The following TTC7B variants were observed in gnomAD, a reference collection of about 807,000 sequenced individuals.
TTC7B encodes the protein tetratricopeptide repeat domain 7B.
Under a neutral mutation model 106.8 loss-of-function variants are expected in TTC7B, and 28 were observed. That is an observed-to-expected ratio of 0.26 (90% confidence interval 0.19 to 0.36). TTC7B has a LOEUF of 0.36. TTC7B is among the 10% of genes least tolerant of loss of function. The probability of loss-of-function intolerance (pLI) is 1.00; values close to 1 mark genes in which losing one functional copy is unlikely to be tolerated. For synonymous variants in TTC7B, 405 were observed against 430.6 expected, an observed-to-expected ratio of 0.94 and a Z score of 0.74; for missense variants, 862 against 1,076.4, an observed-to-expected ratio of 0.80 and a Z score of 2.79.
intron 9 of TTC7B, among the ~76,000 whole-genome samples, chr14:90,660,395 C>CAAAAAAAAAAAAAAAA (rs57030874): frequency 2.7e-4 from 11 of 40,886 alleles, no homozygotes; most frequent in African/African-American, 5.0e-4. Flanking sequence ...CACCCTGTCT[C>CAAAAAAAAAAAAAAAA]AAAAAAAAAA....
In TTC7B at chr14:90,816,271, G is replaced by A; in HGVS notation, c.25C>T (p.Arg9Trp). The A allele has an allele frequency of 1.6e-6, 2 of 1,236,370 alleles. No homozygotes were observed. The highest frequency in any genetic ancestry group is 1.0e-6 in the Non-Finnish European group (1 of 958,504). The allele number at this position is 1,236,370 out of a possible 1,614,324, so 76.6% of individuals were successfully genotyped here. A position where few individuals can be genotyped will look rare whatever the true frequency, so the allele number is the denominator to read the frequency against. The change falls in exon 1 of 20, where the codon CGG becomes TGG. Residue 9 changes from arginine to tryptophan, a missense_variant. Coordinates refer to ENST00000328459, the MANE Select transcript of TTC7B (RefSeq NM_001010854.2). MATKKAGS[R>W]LETEIERCRS... ...CAGCGCTCGATCTCCGTCTCCAGCCGCGAGCCTGCCTTCTTGGTCGCCATC... is the reference window on the plus strand; with the variant it reads ...CAGCGCTCGATCTCCGTCTCCAGCCACGAGCCTGCCTTCTTGGTCGCCATC...
Position 90,570,938 on chromosome 14 carries a change from G to A in TTC7B, c.2310+7168C>T, listed in dbSNP as rs1278569843. 6.6e-6 allele frequency among the ~76,000 whole-genome samples: 1 copy of A among 152,154 alleles called. No homozygotes were observed. The highest frequency in any genetic ancestry group is 6.5e-5 in the Admixed American group (1 of 15,280). ...CGACACAGCTGGGACTGGAACCCAGGCAGCTGGCGCCAGCACCGTGCTCCC... is the reference window on the plus strand; with the variant it reads ...CGACACAGCTGGGACTGGAACCCAGACAGCTGGCGCCAGCACCGTGCTCCC... On this transcript the variant is annotated intron_variant, in intron 19 of 19. Transcript: ENST00000328459. This position sits in a 1 kb window ranked among gnomAD's most constrained non-coding sequence, Gnocchi z 4.0.
At chr14:90,787,598 T>G (rs550541349) in intron 1 of TTC7B, among the ~76,000 whole-genome samples, 39 of 152,182 alleles carry the variant, frequency 2.6e-4, no homozygotes, top group African/African-American at 9.2e-4. Flanking sequence ...CTAAAATTAA[T>G]TCAAAAAGTC....
At chr14:90,753,805 A>AAC (rs1890206191) in intron 3 of TTC7B, among the ~76,000 whole-genome samples, 1 of 152,196 alleles carries the variant, frequency 6.6e-6, no homozygotes, top group Non-Finnish European at 1.5e-5. Context: ...TACACACACA[A>AAC]ACACACACAC....
intron 5 of TTC7B, among the ~76,000 whole-genome samples, chr14:90,726,236 C>A (rs1889097574): frequency 6.6e-6 from 1 of 152,222 alleles, no homozygotes; most frequent in African/African-American, 2.4e-5. Context: ...GAGGGTGAGG[C>A]CGTTTCTCTG....
chr14:90,677,681 C>T, intron 8 of TTC7B: 1 of 346,272 alleles, frequency 2.9e-6, no homozygotes, highest in Non-Finnish European at 5.6e-6. Flanking sequence ...GGTCACTTGT[C>T]CCGGCAGGCT....
At chr14:90,718,278 A>T (rs563083951) in intron 5 of TTC7B, among the ~76,000 whole-genome samples, 8 of 152,226 alleles carry the variant, frequency 5.3e-5, no homozygotes, top group African/African-American at 1.9e-4. Context: ...TGGGTTAGGC[A>T]CCCTCCTCGG....
rs537797724 is a variant in TTC7B at position 90,741,582 on chromosome 14, G to C, written c.576+3210C>G. Among the ~76,000 whole-genome samples the C allele has an allele frequency of 4.6e-5, 7 of 152,226 alleles. No homozygotes were observed. The South Asian group carries it at 1.5e-3, about 32-fold the overall frequency. ...GCCCTATTTGCCTTGGATTGCTCAA[G>C]GCTTTGATCAGATTCCATCCCCTTT... On this transcript the variant is annotated intron_variant, in intron 4 of 19. Transcript: ENST00000328459.
chr14:90,579,417 T>C (rs1195028456), intron 18 of TTC7B, among the ~76,000 whole-genome samples: 1 of 152,254 alleles, frequency 6.6e-6, no homozygotes, highest in African/African-American at 2.4e-5. Flanking sequence ...CTCCCAGTTA[T>C]GTGTATGTTT....
chr14:90,534,440 C>T lies in TTC7B; in HGVS notation c.*6928G>A, dbSNP rs1889365282. On this transcript the variant is annotated 3_prime_UTR_variant, in exon 20 of 20. Coordinates refer to ENST00000328459, the MANE Select transcript of TTC7B (RefSeq NM_001010854.2). ...CTTATGGTCAAGTGTGTGGCTGCTTCTGGAGTAGGCAGGATGGACAGGGCA... is the reference window on the plus strand; with the variant it reads ...CTTATGGTCAAGTGTGTGGCTGCTTTTGGAGTAGGCAGGATGGACAGGGCA... The T allele has an allele frequency of 6.6e-6, 1 of 152,486 alleles. No individual in the cohort carries two copies. Among genetic ancestry groups the T allele is most frequent in the Non-Finnish European group, 1.5e-5 (1 of 68,262 alleles). 9.4% of individuals were successfully genotyped at this position (152,486 alleles called of 1,614,324 possible).
chr14:90,567,483 C>T (rs956302348), intron 19 of TTC7B: 3 of 152,166 alleles, frequency 2.0e-5, no homozygotes, highest in African/African-American at 7.2e-5. Context: ...GTCTGAGCCT[C>T]GGAGAACAAT....
intron 7 of TTC7B, among the ~76,000 whole-genome samples, chr14:90,684,208 C>T (rs1437510815): frequency 6.6e-6 from 1 of 152,006 alleles, no homozygotes; most frequent in East Asian, 1.9e-4. Flanking sequence ...AAGTATTATC[C>T]AATATTAACC....
intron 18 of TTC7B, among the ~76,000 whole-genome samples, chr14:90,588,904 A>AAAC (rs1555378039): frequency 1.3e-5 from 2 of 148,974 alleles, no homozygotes; most frequent in African/African-American, 5.1e-5. Flanking sequence ...AAAAAAAAAA[A>AAAC]AACCCTTGGA....
intron 1 of TTC7B, among the ~76,000 whole-genome samples, chr14:90,815,212 GTGC>G (rs2031101951): frequency 6.6e-6 from 1 of 152,204 alleles, no homozygotes; most frequent in African/African-American, 2.4e-5. Flanking sequence ...TGGCCACGGT[GTGC>G]TGGTGCCTGC....
At position 90,802,397 on chromosome 14, in the gene TTC7B, C is replaced by T. The variant is rs573651034; in HGVS notation, c.121+13778G>A. On this transcript the variant is annotated intron_variant, in intron 1 of 19. Transcript: ENST00000328459. This position sits in a 1 kb window ranked among gnomAD's most constrained non-coding sequence, Gnocchi z 4.7. ...CAGCCCGGTCCTGAGAGGGTGAGAA[C>T]GGAAGGGATTCTGAGCACAGGTGAA... 2.6e-5 allele frequency among the ~76,000 whole-genome samples: 4 copies of T among 152,080 alleles called. No homozygotes were observed. The South Asian group carries it at 6.2e-4, about 24-fold the overall frequency.
chr14:90,579,020 C>G (rs960363062), intron 18 of TTC7B, among the ~76,000 whole-genome samples: 1 of 152,230 alleles, frequency 6.6e-6, no homozygotes, highest in Non-Finnish European at 1.5e-5. Flanking sequence ...AGCCAAACCC[C>G]TCTGCAGCCC....
intron 6 of TTC7B, among the ~76,000 whole-genome samples, chr14:90,694,632 AT>A: frequency 6.8e-6 from 1 of 146,120 alleles, no homozygotes; most frequent in African/African-American, 2.5e-5. Flanking sequence ...TGTCACATAT[AT>A]TTATAACACA....
intron 5 of TTC7B, among the ~76,000 whole-genome samples, chr14:90,715,040 G>T (rs1051735917): frequency 6.6e-6 from 1 of 152,162 alleles, no homozygotes; most frequent in Non-Finnish European, 1.5e-5. Flanking sequence ...GGGCCTGACT[G>T]CTCTGGCCCC....
chr14:90,741,967 A>C (rs923256638), intron 4 of TTC7B, among the ~76,000 whole-genome samples: 1 of 152,246 alleles, frequency 6.6e-6, no homozygotes, highest in South Asian at 2.1e-4. Flanking sequence ...TCAGAGCCAG[A>C]AATTTGAAAA....
Sources: gnomAD v4.1 joint callset for allele counts (sites outside exome capture counted in the v4.1 genomes callset) on GRCh38, gnomAD v4.1.1 for gene constraint, Gnocchi (gnomAD v3.1) non-coding constraint, MANE v1.5 for transcripts, NCBI Gene and HGNC (gene_info 2026-07-23, HGNC 2026-07-21) for gene names.